Variants in DPPA2 observed in about 807,000 individuals in gnomAD.
DPPA2 encodes developmental pluripotency-associated protein 2.
DPPA2 carries 26 observed loss-of-function variants against 36.2 expected under a neutral mutation model. That is an observed-to-expected ratio of 0.72 (90% CI 0.53 to 1.00). DPPA2 has a LOEUF of 1.00. Ranked by LOEUF, DPPA2 falls within the 50% of genes least tolerant of loss-of-function variation. The pLI is 0.00. For missense variants in DPPA2, 361 were observed against 365.1 expected (o/e 0.99, Z 0.09); for synonymous variants, 113 against 123.2 (o/e 0.92, Z 0.55).
At chr3:109,307,338 ACACCTGTAATCC>A (rs1290834021) in intron 6 of DPPA2, among the ~76,000 whole-genome samples, 7 of 152,018 alleles carry the variant, frequency 4.6e-5, no homozygotes, top group Non-Finnish European at 1.0e-4. Flanking sequence ...GCAGTGGCTC[ACACCTGTAATCC>A]CAACACTTTG....
At chr3:109,298,008 G>A (rs1475691910) in intron 8 of DPPA2, among the ~76,000 whole-genome samples, 1 of 152,078 alleles carries the variant, frequency 6.6e-6, no homozygotes, top group Non-Finnish European at 1.5e-5. Flanking sequence ...TGTCTCAGAA[G>A]GCTGGGCCAG....
intron 5 of DPPA2, 121 bp downstream of exon 5, chr3:109,308,905 T>C: frequency 8.3e-7 from 1 of 1,204,400 alleles, no homozygotes; most frequent in Non-Finnish European, 1.2e-6. Flanking sequence ...GAAATATCAA[T>C]AATGCCACAG....
chr3:109,309,057 AG>A lies in DPPA2; in HGVS notation c.364del (p.Leu122PhefsTer32), dbSNP rs779676305. On this transcript the variant is annotated frameshift_variant, in exon 5 of 9. Transcript: ENST00000478945. LOFTEE classifies it high-confidence loss of function. Reference sequence around the variant, plus strand: ...TTGTTCAGGGTAAGCATGCCTATGAAGCCTCAGATAAACTTCGATTTTCTTA... The same window carrying A: ...TTGTTCAGGGTAAGCATGCCTATGAACCTCAGATAAACTTCGATTTTCTTA... ...NGKKIEVYLR[L>X]HRHAYPEQRQ... is the part of the protein sequence containing the mutation. 1 of 1,614,188 alleles carries A rather than the reference AG, an allele frequency of 6.2e-7. No individual in the cohort carries two copies.
intron 8 of DPPA2, among the ~76,000 whole-genome samples, chr3:109,298,382 C>G (rs1280489331): frequency 6.6e-6 from 1 of 151,946 alleles, no homozygotes; most frequent in Non-Finnish European, 1.5e-5. Context: ...AGAAGTTTGA[C>G]TAGCCTGAGA....
chr3:109,301,556 G>A (rs1427093028), intron 7 of DPPA2, among the ~76,000 whole-genome samples: 1 of 151,950 alleles, frequency 6.6e-6, no homozygotes, highest in Non-Finnish European at 1.5e-5. Flanking sequence ...GGAGGCTGAG[G>A]CAGGAGAATC....
intron 8 of DPPA2, among the ~76,000 whole-genome samples, chr3:109,298,157 A>C (rs1317997198): frequency 2.0e-5 from 3 of 152,198 alleles, no homozygotes; most frequent in Non-Finnish European, 4.4e-5. Context: ...GGTGCAACAC[A>C]AGGGATTTCT....
chr3:109,300,029 C>T (rs1409063464), intron 8 of DPPA2, among the ~76,000 whole-genome samples: 1 of 152,132 alleles, frequency 6.6e-6, no homozygotes, highest in Non-Finnish European at 1.5e-5. Flanking sequence ...GAACCCTATA[C>T]TTTTCACTCA....
chr3:109,307,904 T>C lies in DPPA2; in HGVS notation c.658+128A>G, dbSNP rs1178124367. The C allele has an allele frequency of 7.2e-6, 9 of 1,257,502 alleles. No individual in the cohort carries two copies. The East Asian group carries it at 7.6e-5, about 11-fold the overall frequency. 77.9% of individuals were successfully genotyped at this position (1,257,502 alleles called of 1,614,324 possible). A position where few individuals can be genotyped will look rare whatever the true frequency, so the allele number is the denominator to read the frequency against. On this transcript the variant is annotated intron_variant, in intron 6 of 8. Coordinates refer to ENST00000478945, the MANE Select transcript of DPPA2 (RefSeq NM_138815.4). ...TGACAGATAGAAGAAAGATGTCCCATGTGAATCCAATTTCTAATCTTCAGA... is the reference window on the plus strand; with the variant it reads ...TGACAGATAGAAGAAAGATGTCCCACGTGAATCCAATTTCTAATCTTCAGA...
At chr3:109,310,524 G>A (rs1227900883) in intron 3 of DPPA2, among the ~76,000 whole-genome samples, 1 of 139,442 alleles carries the variant, frequency 7.2e-6, no homozygotes, top group African/African-American at 2.6e-5. Context: ...GTTTTTTTTT[G>A]AGACGGAGTT....
At chr3:109,309,884 C>T (rs1037637981) in intron 3 of DPPA2, among the ~76,000 whole-genome samples, 1 of 151,702 alleles carries the variant, frequency 6.6e-6, no homozygotes, top group Non-Finnish European at 1.5e-5. Context: ...GAGATCGAGA[C>T]CAGCCCGGCC....
intron 5 of DPPA2, 98 bp downstream of exon 5, chr3:109,308,928 G>C (rs557124793): frequency 7.0e-7 from 1 of 1,427,352 alleles, no homozygotes; most frequent in Non-Finnish European, 9.8e-7. Context: ...AAGAAACCCT[G>C]CCTTAGAGGT....
Position 109,313,410 on chromosome 3 carries a change from A to C in DPPA2, c.34-718T>G, listed in dbSNP as rs149694030. On this transcript the variant is annotated intron_variant, in intron 2 of 8. Coordinates refer to ENST00000478945, the MANE Select transcript of DPPA2 (RefSeq NM_138815.4). ...CTTTCACAGAAACACAGCAGTCTAC[A>C]CAGAGTAGGCATTCAATGTTGTTTT... is the stretch of plus-strand genomic sequence containing the variant. 3.7e-3 allele frequency among the ~76,000 whole-genome samples: 566 copies of C among 152,312 alleles called. 2 individuals are homozygous for C. The highest frequency in any genetic ancestry group is 0.013 in the African/African-American group (543 of 41,574).
chr3:109,294,150 T>A (rs929149222), intron 8 of DPPA2, 146 bp from the exon 9 acceptor site: 1 of 152,220 alleles, frequency 6.6e-6, no homozygotes, highest in African/African-American at 2.4e-5. Context: ...GAATGGCAGA[T>A]GGAAATACTA....
chr3:109,304,453 T>TA, intron 7 of DPPA2, 22 bp downstream of exon 7: 1 of 1,583,680 alleles, frequency 6.3e-7, no homozygotes. Flanking sequence ...GTGCCATGCT[T>TA]AACAAGATAC....
At chr3:109,314,626 T>G in intron 1 of DPPA2, 71 bp from the exon 2 acceptor site, 2 of 1,430,016 alleles carry the variant, frequency 1.4e-6, no homozygotes, top group East Asian at 2.3e-5. Flanking sequence ...TCTCCTTTTA[T>G]AAGCAAATGT....
chr3:109,299,998 C>T (rs1054489708), intron 8 of DPPA2, among the ~76,000 whole-genome samples: 29 of 152,082 alleles, frequency 1.9e-4, no homozygotes, highest in African/African-American at 6.0e-4. Flanking sequence ...TGTGAAGCAC[C>T]GTGTACATGG....
In DPPA2 at chr3:109,316,327, G is replaced by C. The variant is rs1315114058; in HGVS notation, c.-57C>G. The C allele has an allele frequency of 6.5e-6, 1 of 152,970 alleles. No individual in the cohort carries two copies. Among genetic ancestry groups the C allele is most frequent in the Admixed American group, 6.6e-5 (1 of 15,256 alleles). 9.5% of individuals were successfully genotyped at this position (152,970 alleles called of 1,614,324 possible). On this transcript the variant is annotated 5_prime_UTR_variant, in exon 1 of 9. Coordinates refer to ENST00000478945, the MANE Select transcript of DPPA2 (RefSeq NM_138815.4). ...GCGGGGACGGAGAGGATGTGGGTAG[G>C]GGGCCTCACTGTGTTGCCCAGGCTG...
rs181197558 is a variant in DPPA2 at position 109,310,746 on chromosome 3, T to C, written c.182-1416A>G. On this transcript the variant is annotated intron_variant, in intron 3 of 8. Coordinates refer to ENST00000478945, the MANE Select transcript of DPPA2 (RefSeq NM_138815.4). ...GTCTCGAACGCCTGACCTTGTGATC[T>C]GCCCTCCTTGGCCGCCCAAAGTGCT... is the stretch of plus-strand genomic sequence containing the variant. Among the ~76,000 whole-genome samples, 1,041 of 151,994 alleles carry C rather than the reference T, an allele frequency of 6.8e-3. 17 individuals carry two copies. The highest frequency in any genetic ancestry group is 0.065 in the East Asian group (331 of 5,074).
In DPPA2 at chr3:109,306,795, G is replaced by A. The variant is rs568322004; in HGVS notation, c.658+1237C>T. Among the ~76,000 whole-genome samples, 10 of 150,174 alleles carry A rather than the reference G, an allele frequency of 6.7e-5. No individual in the cohort carries two copies. The East Asian group carries it at 1.4e-3, about 21-fold the overall frequency. ...AGCCTGACCAACATGGAGAAATCTC[G>A]CCTCTACTGAAAAAAAAAAAATACA... On this transcript the variant is annotated intron_variant, in intron 6 of 8. Coordinates refer to ENST00000478945, the MANE Select transcript of DPPA2 (RefSeq NM_138815.4).
Sources: gnomAD v4.1 joint callset for allele counts (sites outside exome capture counted in the v4.1 genomes callset) on GRCh38, gnomAD v4.1.1 for gene constraint, MANE v1.5 for transcripts, NCBI Gene and HGNC (gene_info 2026-07-23, HGNC 2026-07-21) for gene names.